The following MYO10 variants were observed in gnomAD, a reference collection of about 807,000 sequenced individuals.
MYO10 encodes myosin X.
MYO10 carries 133 observed loss-of-function variants against 257.3 expected under a neutral mutation model. The observed-to-expected ratio is 0.52, with a 90% confidence interval of 0.45 to 0.60. MYO10 has a LOEUF of 0.60. Among genes scored for constraint, MYO10 ranks in the 20% least tolerant of loss-of-function variants. MYO10 has a pLI of 0.00. For synonymous variants in MYO10, 1,104 were observed against 1,028.6 expected (o/e 1.07, Z -1.40); for missense variants, 2,399 against 2,635.7 (o/e 0.91, Z 1.97).
chr5:16,729,734 G>A (rs552730414), intron 19 of MYO10, among the ~76,000 whole-genome samples: 8 of 152,148 alleles, frequency 5.3e-5, no homozygotes, highest in East Asian at 3.9e-4. Flanking sequence ...GTGAGCCACC[G>A]CACCCAGCCT....
At chr5:16,922,108 G>A (rs1746003284) in intron 1 of MYO10, among the ~76,000 whole-genome samples, 1 of 151,912 alleles carries the variant, frequency 6.6e-6, no homozygotes, top group Admixed American at 6.6e-5. Flanking sequence ...CAGCTACTCG[G>A]GAGGCTGAGG....
chr5:16,672,239 G>A (rs1173283249), intron 37 of MYO10, among the ~76,000 whole-genome samples: 1 of 148,318 alleles, frequency 6.7e-6, no homozygotes, highest in Non-Finnish European at 1.5e-5. Flanking sequence ...AAGTTGCAGT[G>A]AGCCAAGGTT....
chr5:16,663,328 GTTT>G lies in MYO10; in HGVS notation c.*3361_*3363del, dbSNP rs70940395. ...AAAAAGTAACATTTTACTTCTAGTT[GTTT>G]TTTTTTTTTTTTTTTTTTTTTTTTT... On this transcript the variant is annotated 3_prime_UTR_variant, in exon 41 of 41. Coordinates refer to ENST00000513610, the MANE Select transcript of MYO10 (RefSeq NM_012334.3). The G allele has an allele frequency of 5.6e-4, 43 of 76,858 alleles. No homozygotes were observed. The highest frequency in any genetic ancestry group is 2.0e-3 in the African/African-American group (31 of 15,508). 4.8% of individuals were successfully genotyped at this position (76,858 alleles called of 1,614,324 possible).
At chr5:16,711,797 A>G (rs1319442292) in intron 19 of MYO10, among the ~76,000 whole-genome samples, 1 of 151,964 alleles carries the variant, frequency 6.6e-6, no homozygotes, top group Non-Finnish European at 1.5e-5. Flanking sequence ...GAAAAAAAAA[A>G]GGAAAATCCC....
At chr5:16,770,659 G>C (rs1249452596) in intron 9 of MYO10, among the ~76,000 whole-genome samples, 3 of 152,216 alleles carry the variant, frequency 2.0e-5, no homozygotes, top group Non-Finnish European at 4.4e-5. Flanking sequence ...CTCACACAAG[G>C]ACCATAGGAG....
intron 18 of MYO10, among the ~76,000 whole-genome samples, chr5:16,755,164 A>G (rs543454839): frequency 6.6e-6 from 1 of 152,122 alleles, no homozygotes; most frequent in South Asian, 2.1e-4. Context: ...ATTCTATTTT[A>G]TTTATTTATT....
chr5:16,675,937 A>C (rs1736701805), intron 34 of MYO10, 94 bp downstream of exon 34: 1 of 1,390,766 alleles, frequency 7.2e-7, no homozygotes, highest in East Asian at 2.5e-5. Flanking sequence ...AGAGTCTTTG[A>C]GATAAAAACA....
intron 19 of MYO10, among the ~76,000 whole-genome samples, chr5:16,749,531 T>G (rs1023544892): frequency 1.3e-5 from 2 of 150,538 alleles, no homozygotes; most frequent in African/African-American, 2.4e-5. Context: ...AGGCTGCTTG[T>G]GCTAGAGGCC....
intron 21 of MYO10, 104 bp downstream of exon 21, chr5:16,710,804 G>T (rs1291780100): frequency 1.1e-6 from 1 of 947,542 alleles, no homozygotes; most frequent in Non-Finnish European, 1.6e-6. Flanking sequence ...TTCCCAATGT[G>T]AAAGAACAAT....
chr5:16,866,241 T>C (rs1288138236), intron 2 of MYO10, among the ~76,000 whole-genome samples: 1 of 152,090 alleles, frequency 6.6e-6, no homozygotes, highest in Non-Finnish European at 1.5e-5. Context: ...CAAATGCACA[T>C]ACGCAACGGC....
chr5:16,825,300 C>G (rs975288655), intron 2 of MYO10, among the ~76,000 whole-genome samples: 2 of 152,280 alleles, frequency 1.3e-5, no homozygotes, highest in African/African-American at 4.8e-5. Flanking sequence ...CGTGTGTGTC[C>G]TCATTGCTCC....
intron 28 of MYO10, among the ~76,000 whole-genome samples, chr5:16,687,699 T>C (rs983419394): frequency 6.6e-6 from 1 of 152,098 alleles, no homozygotes; most frequent in East Asian, 1.9e-4. Flanking sequence ...CTTGAAAATA[T>C]TCAACATATA....
chr5:16,722,729 A>G (rs1413867989), intron 19 of MYO10, among the ~76,000 whole-genome samples: 1 of 152,240 alleles, frequency 6.6e-6, no homozygotes, highest in Non-Finnish European at 1.5e-5. Context: ...ACAAAACTAT[A>G]AAACTCCTAG....
Position 16,846,000 on chromosome 5 carries a change from T to C in MYO10, c.121-27833A>G, listed in dbSNP as rs541681721. 1.4e-3 allele frequency among the ~76,000 whole-genome samples: 214 copies of C among 152,118 alleles called. 1 individual carries two copies. The highest frequency in any genetic ancestry group is 5.1e-3 in the African/African-American group (210 of 41,512). The stretch of plus-strand genomic sequence containing the variant: ...AAAGGAAAAGAATGGCAAGAGTTAT[T>C]AGATGCCCTTACTTGATAAAATAAA... On this transcript the variant is annotated intron_variant, in intron 2 of 40. Coordinates refer to ENST00000513610, the MANE Select transcript of MYO10 (RefSeq NM_012334.3).
At position 16,882,626 on chromosome 5, in the gene MYO10, T is replaced by C. The variant is rs147713455; in HGVS notation, c.22-4919A>G. ...CAACAAAGATGGACCATACACATCA[T>C]GGTAAGTGAAAGAAGCCAGATACAA... On this transcript the variant is annotated intron_variant, in intron 1 of 40. Transcript: ENST00000513610. Among the ~76,000 whole-genome samples, 147 of 152,038 alleles carry C rather than the reference T, an allele frequency of 9.7e-4. 3 individuals are homozygous for C. The East Asian group carries it at 0.024, about 25-fold the overall frequency.
intron 2 of MYO10, among the ~76,000 whole-genome samples, chr5:16,823,181 C>A (rs1742880985): frequency 6.6e-6 from 1 of 150,454 alleles, no homozygotes; most frequent in Non-Finnish European, 1.5e-5. Flanking sequence ...GTAGCTCACG[C>A]CTGTAATCCC....
At position 16,762,210 on chromosome 5, in the gene MYO10, T is replaced by A. The variant is rs992089064; in HGVS notation, c.1588-97A>T. On this transcript the variant is annotated intron_variant, in intron 15 of 40. Transcript: ENST00000513610. ...AGAGAACACTAAATACAAAAGACAG[T>A]GAAAATCATTTCCAAACTTGCCATG... 8.7e-6 allele frequency: 12 copies of A among 1,381,498 alleles called. No individual in the cohort carries two copies. The South Asian group carries it at 1.5e-4, about 18-fold the overall frequency. The allele number at this position is 1,381,498 out of a possible 1,614,324, so 85.6% of individuals were successfully genotyped here. A position where few individuals can be genotyped will look rare whatever the true frequency, so the allele number is the denominator to read the frequency against.
At chr5:16,742,054 A>G (rs963778239) in intron 19 of MYO10, 123 of 985,286 alleles carry the variant, frequency 1.2e-4, no homozygotes, top group Admixed American at 1.1e-3. Context: ...TGCAGGGGCA[A>G]ACTAACCATC....
At chr5:16,757,119 T>TAAAAA (rs58155620) in intron 18 of MYO10, among the ~76,000 whole-genome samples, 2 of 100,132 alleles carry the variant, frequency 2.0e-5, no homozygotes, top group African/African-American at 4.1e-5. Context: ...ACTCTGCCTT[T>TAAAAA]AAAAAAAAAA....
Sources: gnomAD v4.1 joint callset for allele counts (sites outside exome capture counted in the v4.1 genomes callset) on GRCh38, gnomAD v4.1.1 for gene constraint, MANE v1.5 for transcripts, NCBI Gene and HGNC (gene_info 2026-07-23, HGNC 2026-07-21) for gene names.